Variants in DMAC1 observed in about 807,000 individuals in gnomAD.
DMAC1 encodes distal membrane arm assembly component 1, also known as distal membrane-arm assembly complex protein 1.
DMAC1 carries 10 observed loss-of-function variants against 7.0 expected under a neutral mutation model. The observed-to-expected ratio is 1.43, with a 90% CI of 0.88 to 2.43. The LOEUF is 2.43. DMAC1 is among the 30% of genes most tolerant of loss of function. DMAC1 has a pLI of 0.00. For missense variants in DMAC1, 219 were observed against 158.7 expected (o/e 1.38, Z -2.04); for synonymous variants, 92 against 66.2 (o/e 1.39, Z -1.90).
rs995076904 is a variant in DMAC1, at chr9:7,797,122, C to T, written c.*1451G>A. 3 of 152,222 alleles carry T rather than the reference C, an allele frequency of 2.0e-5. No homozygotes were observed. The highest frequency in any genetic ancestry group is 2.0e-4 in the Admixed American group (3 of 15,284). 9.4% of individuals were successfully genotyped at this position (152,222 alleles called of 1,614,324 possible). On this transcript the variant is annotated 3_prime_UTR_variant, in exon 2 of 2. Coordinates refer to ENST00000358227, the MANE Select transcript of DMAC1 (RefSeq NM_033428.3). ...TAAAGCAGTCCATCAATAGAACAGA[C>T]TGCCTTTTAAACCAGGGAACAACTT...
chr9:7,799,507 T>A lies in DMAC1; in HGVS notation c.228A>T (p.Gly76=). 18 of 1,613,352 alleles carry A rather than the reference T, an allele frequency of 1.1e-5. No homozygotes were observed. Among genetic ancestry groups the A allele is most frequent in the Non-Finnish European group, 1.5e-5 (18 of 1,179,978 alleles). The change falls in exon 1 of 2, where the codon GGA becomes GGT. Residue 76 remains glycine (G), a synonymous_variant. Coordinates refer to ENST00000358227, the MANE Select transcript of DMAC1 (RefSeq NM_033428.3). ...TAATGGTCCATGGACTCGGGGGGTA[T>A]CCCATCTTCATGGGCTTCCGTGCCA... ...YWVARKPMKM[G]YPPSPWTITQ...
Position 7,798,462 on chromosome 9 carries a change from ATGTCTGTCCATGTACAAG to A in DMAC1, c.*93_*110del, listed in dbSNP as rs775133977. 3.5e-6 allele frequency: 4 copies of A among 1,128,172 alleles called. No homozygotes were observed. The South Asian group carries it at 3.7e-5, about 10-fold the overall frequency. The allele number at this position is 1,128,172 out of a possible 1,614,324, so 69.9% of individuals were successfully genotyped here. A position where few individuals can be genotyped will look rare whatever the true frequency, so the allele number is the denominator to read the frequency against. On this transcript the variant is annotated 3_prime_UTR_variant, in exon 2 of 2. Transcript: ENST00000358227. Reference sequence around the variant, plus strand: ...CAGTCTTGTAGTATCCACAGTAGTGATGTCTGTCCATGTACAAGTGTCTGTCCAGAACACCCATTAAAT... The same window carrying A: ...CAGTCTTGTAGTATCCACAGTAGTGATGTCTGTCCAGAACACCCATTAAAT...
rs529913419 is a variant in DMAC1 at position 7,798,303 on chromosome 9, A to G, written c.*270T>C. 2 of 378,604 alleles carry G rather than the reference A, an allele frequency of 5.3e-6. No homozygotes were observed. The highest frequency in any genetic ancestry group is 9.6e-6 in the Non-Finnish European group (2 of 208,984). 23.5% of individuals were successfully genotyped at this position (378,604 alleles called of 1,614,324 possible). A position where few individuals can be genotyped will look rare whatever the true frequency, so the allele number is the denominator to read the frequency against. ...CTTAATTAAGCAATTATATTTAAATATAAGTTATACTTTCCTTCCCCAGAT... is the reference window on the plus strand; with the variant it reads ...CTTAATTAAGCAATTATATTTAAATGTAAGTTATACTTTCCTTCCCCAGAT... On this transcript the variant is annotated 3_prime_UTR_variant, in exon 2 of 2. Coordinates refer to ENST00000358227, the MANE Select transcript of DMAC1 (RefSeq NM_033428.3).
chr9:7,798,704 C>T lies in DMAC1; in HGVS notation c.275-67G>A, dbSNP rs909770916. On this transcript the variant is annotated intron_variant, in intron 1 of 1. Coordinates refer to ENST00000358227, the MANE Select transcript of DMAC1 (RefSeq NM_033428.3). The stretch of plus-strand genomic sequence containing the variant: ...AAATTTACCAAGTGTTTCACATATA[C>T]GCCATCTTATTTAACCCTCACAACA... 4.2e-5 allele frequency: 56 copies of T among 1,340,348 alleles called. No individual in the cohort carries two copies. In the Admixed American group the frequency reaches 1.1e-3, roughly 26 times the overall value. The allele number at this position is 1,340,348 out of a possible 1,614,324, so 83.0% of individuals were successfully genotyped here.
Position 7,799,603 on chromosome 9 carries a change from C to T in DMAC1, c.132G>A (p.Leu44=). The change falls in exon 1 of 2, where the codon TTG becomes TTA. Residue 44 remains leucine, a synonymous_variant. Transcript: ENST00000358227. ...GCACGCGACAGCTCCAGCAGGTCTT[C>T]AACAGGCGGTGTTCTGCTGGGGAGG... ...APTSPAEHRL[L]KTCWSCRVLS... The T allele has an allele frequency of 1.2e-6, 2 of 1,613,676 alleles. No individual in the cohort carries two copies. The highest frequency in any genetic ancestry group is 1.3e-5 in the African/African-American group (1 of 75,006).
Position 7,798,482 on chromosome 9 carries a change from G to A in DMAC1, c.*91C>T. On this transcript the variant is annotated 3_prime_UTR_variant, in exon 2 of 2. Transcript: ENST00000358227. ...TAGTGATGTCTGTCCATGTACAAGT[G>A]TCTGTCCAGAACACCCATTAAATTC... 1 of 1,326,306 alleles carries A rather than the reference G, an allele frequency of 7.5e-7. No individual in the cohort carries two copies. Among genetic ancestry groups the A allele is most frequent in the South Asian group, 1.2e-5 (1 of 85,440 alleles). The allele number at this position is 1,326,306 out of a possible 1,614,324, so 82.2% of individuals were successfully genotyped here.
rs773341638 is a variant in DMAC1 at position 7,799,659 on chromosome 9, G to C, written c.76C>G (p.Pro26Ala). Residue 26 changes from proline (P) to alanine (A), a missense_variant, in exon 1 of 2, where the codon CCT becomes GCT. Pro to Ala is a conservative substitution (Grantham distance 27, BLOSUM62 -1). Coordinates refer to ENST00000358227, the MANE Select transcript of DMAC1 (RefSeq NM_033428.3). ...GCTCCGGGTGTAGCTGGGGGCGCAG[G>C]TTTGGCGGGCGCGGCGGCGGTACCG... ...PPGTAAAPAK[P>A]APPATPGAPT... is the part of the protein sequence containing the mutation. The C allele has an allele frequency of 4.3e-6, 7 of 1,609,932 alleles. No individual in the cohort carries two copies. The highest frequency in any genetic ancestry group is 5.9e-6 in the Non-Finnish European group (7 of 1,178,902).
In DMAC1 at chr9:7,799,462, G is replaced by A. The variant is rs1818693041; in HGVS notation, c.273C>T (p.Leu91=). ...CAAGTGCTGTGCCTTGATTCTCACT[G>A]AGGCCGATGACCATCTGCGTAATGG... ...PWTITQMVIG[L]SIATWGIVVM... Residue 91 remains leucine (L), a splice_region_variant and synonymous_variant, in exon 1 of 2, where the codon CTC becomes CTT. Transcript: ENST00000358227. 2.5e-6 allele frequency: 4 copies of A among 1,612,480 alleles called. No individual in the cohort carries two copies. Among genetic ancestry groups the A allele is most frequent in the Non-Finnish European group, 3.4e-6 (4 of 1,179,998 alleles).
intron 1 of DMAC1, 84 bp from the exon 2 acceptor site, chr9:7,798,721 C>G: frequency 8.8e-7 from 1 of 1,137,422 alleles, no homozygotes; most frequent in East Asian, 2.4e-5. Context: ...TTATTTAACC[C>G]TCACAACACT....
rs776043103 is a variant in DMAC1 at position 7,798,561 on chromosome 9, C to T, written c.*12G>A. The T allele has an allele frequency of 1.1e-5, 17 of 1,613,696 alleles. No homozygotes were observed. The Admixed American group carries it at 1.3e-4, about 13-fold the overall frequency. ...GGGACAGAGACAGAAGACAGATTCA[C>T]TGGTGGTACTTTCAAACAACGCGGT... On this transcript the variant is annotated 3_prime_UTR_variant, in exon 2 of 2. Transcript: ENST00000358227.
At position 7,799,662 on chromosome 9, in the gene DMAC1, T is replaced by C; in HGVS notation, c.73A>G (p.Lys25Glu). Residue 25 changes from lysine (K) to glutamate (E), a missense_variant, in exon 1 of 2, where the codon AAA (lysine) becomes GAA (glutamate). By Grantham distance (56) the Lys-to-Glu change is moderately conservative (BLOSUM62 1). Coordinates refer to ENST00000358227, the MANE Select transcript of DMAC1 (RefSeq NM_033428.3). Reference sequence around the variant, plus strand: ...CCGGGTGTAGCTGGGGGCGCAGGTTTGGCGGGCGCGGCGGCGGTACCGGGA... The same window carrying C: ...CCGGGTGTAGCTGGGGGCGCAGGTTCGGCGGGCGCGGCGGCGGTACCGGGA... Reference protein sequence around the residue: ...APPGTAAAPAKPAPPATPGAP... With the variant: ...APPGTAAAPAEPAPPATPGAP... 1 of 1,609,366 alleles carries C rather than the reference T, an allele frequency of 6.2e-7. No individual in the cohort carries two copies. The highest frequency in any genetic ancestry group is 8.5e-7 in the Non-Finnish European group (1 of 1,178,656).
chr9:7,797,086 T>C lies in DMAC1; in HGVS notation c.*1487A>G, dbSNP rs1462193496. 2 of 152,174 alleles carry C rather than the reference T, an allele frequency of 1.3e-5. No individual in the cohort carries two copies. Among genetic ancestry groups the C allele is most frequent in the Admixed American group, 6.5e-5 (1 of 15,280 alleles). The allele number at this position is 152,174 out of a possible 1,614,324, so 9.4% of individuals were successfully genotyped here. On this transcript the variant is annotated 3_prime_UTR_variant, in exon 2 of 2. Coordinates refer to ENST00000358227, the MANE Select transcript of DMAC1 (RefSeq NM_033428.3). ...GTGTTTTTGGTTTAACCAAAGAAAATGTTCAGGGACTAAAGCAGTCCATCA... is the reference window on the plus strand; with the variant it reads ...GTGTTTTTGGTTTAACCAAAGAAAACGTTCAGGGACTAAAGCAGTCCATCA...
chr9:7,799,538 T>C lies in DMAC1; in HGVS notation c.197A>G (p.Tyr66Cys). The C allele has an allele frequency of 6.2e-7, 1 of 1,613,720 alleles. No individual in the cohort carries two copies. The change falls in exon 1 of 2, where the codon TAC (tyrosine) becomes TGC (cysteine). Residue 66 changes from tyrosine (Y) to cysteine (C), a missense_variant. Coordinates refer to ENST00000358227, the MANE Select transcript of DMAC1 (RefSeq NM_033428.3). Reference sequence around the variant, plus strand: ...CTTCATGGGCTTCCGTGCCACCCAGTACACGTACCCGCCCGCCCCCATCAG... The same window carrying C: ...CTTCATGGGCTTCCGTGCCACCCAGCACACGTACCCGCCCGCCCCCATCAG... ...LGLMGAGGYV[Y>C]WVARKPMKMG...
At chr9:7,799,099 G>T (rs1818683616) in intron 1 of DMAC1, among the ~76,000 whole-genome samples, 1 of 151,978 alleles carries the variant, frequency 6.6e-6, no homozygotes, top group Non-Finnish European at 1.5e-5. Context: ...AAAAGTATGG[G>T]CTTTGAGATC....
Position 7,798,505 on chromosome 9 carries a change from T to C in DMAC1, c.*68A>G. ...GTGTCTGTCCAGAACACCCATTAAATTCCATGCCTGCTGTGTGTGTCACGG... is the reference window on the plus strand; with the variant it reads ...GTGTCTGTCCAGAACACCCATTAAACTCCATGCCTGCTGTGTGTGTCACGG... On this transcript the variant is annotated 3_prime_UTR_variant, in exon 2 of 2. Coordinates refer to ENST00000358227, the MANE Select transcript of DMAC1 (RefSeq NM_033428.3). The C allele has an allele frequency of 6.4e-7, 1 of 1,555,354 alleles. No homozygotes were observed. Among genetic ancestry groups the C allele is most frequent in the Non-Finnish European group, 8.9e-7 (1 of 1,126,204 alleles).
chr9:7,796,552 A>ATTAC lies in DMAC1; in HGVS notation c.*2020_*2021insGTAA, dbSNP rs1365067722. 1 of 152,150 alleles carries ATTAC rather than the reference A, an allele frequency of 6.6e-6. No homozygotes were observed. The allele number at this position is 152,150 out of a possible 1,614,324, so 9.4% of individuals were successfully genotyped here. A position where few individuals can be genotyped will look rare whatever the true frequency, so the allele number is the denominator to read the frequency against. On this transcript the variant is annotated 3_prime_UTR_variant, in exon 2 of 2. Transcript: ENST00000358227. ...GAAAAAGCTCAGATTCATACTCGTA[A>ATTAC]AAGTCTGAGAAAAACATTAAAATGC...
chr9:7,799,327 T>C, intron 1 of DMAC1, 134 bp downstream of exon 1: 1 of 1,206,174 alleles, frequency 8.3e-7, no homozygotes, highest in Non-Finnish European at 1.2e-6. Context: ...TCTCCCACCT[T>C]GTTTGAGGTG....
chr9:7,799,149 T>C (rs1232069940), intron 1 of DMAC1, among the ~76,000 whole-genome samples: 7 of 152,226 alleles, frequency 4.6e-5, no homozygotes, highest in Non-Finnish European at 1.0e-4. Context: ...TTCCTGACCA[T>C]GAACACAATA....
In DMAC1 at chr9:7,798,441, C is replaced by G; in HGVS notation, c.*132G>C. On this transcript the variant is annotated 3_prime_UTR_variant, in exon 2 of 2. Transcript: ENST00000358227. ...GACAACATACGATTTTCTTCTCAGT[C>G]TTGTAGTATCCACAGTAGTGATGTC... The G allele has an allele frequency of 9.8e-7, 1 of 1,022,994 alleles. No individual in the cohort carries two copies. Among genetic ancestry groups the G allele is most frequent in the Non-Finnish European group, 1.5e-6 (1 of 645,322 alleles). 63.4% of individuals were successfully genotyped at this position (1,022,994 alleles called of 1,614,324 possible).
Sources: gnomAD v4.1 joint callset for allele counts (sites outside exome capture counted in the v4.1 genomes callset) on GRCh38, gnomAD v4.1.1 for gene constraint, MANE v1.5 for transcripts, NCBI Gene and HGNC (gene_info 2026-07-23, HGNC 2026-07-21) for gene names.